PCDHB6: variants seen among roughly 807,000 people sequenced by gnomAD.
PCDHB6 encodes the protein protocadherin beta 6.
For synonymous variants in PCDHB6, 506 were observed against 459.0 expected, an observed-to-expected ratio of 1.10 and a Z score of -1.31; for missense variants, 1,137 against 1,010.1, an observed-to-expected ratio of 1.13 and a Z score of -1.70.
Position 141,150,443 on chromosome 5 carries a change from C to G in PCDHB6, c.186C>G (p.Gly62=). 1 of 1,613,924 alleles carries G rather than the reference C, an allele frequency of 6.2e-7. No homozygotes were observed. The highest frequency in any genetic ancestry group is 8.5e-7 in the Non-Finnish European group (1 of 1,180,012). Residue 62 remains glycine (G), a synonymous_variant, in exon 1 of 1, where the codon GGC becomes GGG. Transcript: ENST00000231136. ...GLRVGELASR[G]ARVVFKGNRQ... ...GGGTGGGGGAGCTGGCTTCGCGGGGCGCTCGGGTTGTTTTCAAAGGGAACA... is the reference window on the plus strand; with the variant it reads ...GGGTGGGGGAGCTGGCTTCGCGGGGGGCTCGGGTTGTTTTCAAAGGGAACA...
rs1752820849 is a variant in PCDHB6, at chr5:141,150,360, T to A, written c.103T>A (p.Leu35Met). Residue 35 changes from leucine (L) to methionine (M), a missense_variant, in exon 1 of 1, where the codon TTG (leucine) becomes ATG (methionine). Physicochemically the swap from Leu to Met is conservative, Grantham distance 15. Transcript: ENST00000231136. Reference sequence around the variant, plus strand: ...TTCTGAATCGATTCAGTATTCCGTATTGGAGGAGACAGAAAGTGGCACGTT... The same window carrying A: ...TTCTGAATCGATTCAGTATTCCGTAATGGAGGAGACAGAAAGTGGCACGTT... ...VGSESIQYSV[L>M]EETESGTFVA... 1.2e-6 allele frequency: 2 copies of A among 1,614,134 alleles called. No homozygotes were observed. Among genetic ancestry groups the A allele is most frequent in the Non-Finnish European group, 1.7e-6 (2 of 1,180,006 alleles).
In PCDHB6 at chr5:141,152,466, G is replaced by T. The variant is rs150082275; in HGVS notation, c.2209G>T (p.Val737Leu). 2.0e-4 allele frequency: 321 copies of T among 1,613,986 alleles called. No individual in the cohort carries two copies. Among genetic ancestry groups the T allele is most frequent in the Non-Finnish European group, 2.6e-4 (310 of 1,180,042 alleles). ...TCCCTTTCCAGGGCATCTGGTGGAT[G>T]TGAGCGGCACCGGGACCCTATCCCA... ...EGPFPGHLVD[V>L]SGTGTLSQSY... is the part of the protein sequence containing the mutation. The change falls in exon 1 of 1, where the codon GTG becomes TTG. Residue 737 changes from valine to leucine, a missense_variant. Coordinates refer to ENST00000231136, the MANE Select transcript of PCDHB6 (RefSeq NM_018939.4).
In PCDHB6 at chr5:141,152,436, G is replaced by T. The variant is rs1554278045; in HGVS notation, c.2179G>T (p.Glu727Ter). ...AASVGRYSVP[E>*]GPFPGHLVDV... ...CTCGGTGGGTCGCTACTCGGTGCCC[G>T]AGGGTCCCTTTCCAGGGCATCTGGT... The change falls in exon 1 of 1, where the codon GAG becomes TAG. Residue 727 changes from glutamate (E) to a stop codon, truncating the protein, a stop_gained. Transcript: ENST00000231136. LOFTEE classifies it low-confidence loss of function (END_TRUNC). 2.5e-6 allele frequency: 4 copies of T among 1,613,834 alleles called. No individual in the cohort carries two copies. Among genetic ancestry groups the T allele is most frequent in the South Asian group, 2.2e-5 (2 of 91,068 alleles).
rs1554277975 is a variant in PCDHB6 at position 141,152,264 on chromosome 5, G to A, written c.2007G>A (p.Leu669=). Residue 669 remains leucine (L), a synonymous_variant, in exon 1 of 1, where the codon CTG becomes CTA. Coordinates refer to ENST00000231136, the MANE Select transcript of PCDHB6 (RefSeq NM_018939.4). ...LLVDGFSQPY[L]PLPEAAPAQA... ...TGGACGGCTTCTCCCAGCCCTACCT[G>A]CCTCTCCCTGAGGCGGCCCCGGCCC... 1 of 1,608,028 alleles carries A rather than the reference G, an allele frequency of 6.2e-7. No homozygotes were observed.
chr5:141,150,912 C>A lies in PCDHB6; in HGVS notation c.655C>A (p.Pro219Thr). 6.2e-7 allele frequency: 1 copy of A among 1,614,130 alleles called. No individual in the cohort carries two copies. Among genetic ancestry groups the A allele is most frequent in the Non-Finnish European group, 8.5e-7 (1 of 1,180,022 alleles). ...GCTGATCGCGCTGGATGGCGGGTCT[C>A]CGCCCCGGTCAGGGACCTCCGAGAT... ...LTLIALDGGS[P>T]PRSGTSEIQI... The change falls in exon 1 of 1, where the codon CCG (proline) becomes ACG (threonine). Residue 219 changes from proline to threonine, a missense_variant. Physicochemically the swap from Pro to Thr is conservative, Grantham distance 38. Transcript: ENST00000231136.
At position 141,151,740 on chromosome 5, in the gene PCDHB6, C is replaced by T; in HGVS notation, c.1483C>T (p.His495Tyr). ...CTCGCTGCTGCCGCCCCAGGACCCG[C>T]ACCTGCCCCTCTCTTCCCTGGTCTC... ...TYSLLPPQDPHLPLSSLVSIN... is the reference protein window; with the variant it reads ...TYSLLPPQDPYLPLSSLVSIN... The change falls in exon 1 of 1, where the codon CAC becomes TAC. Residue 495 changes from histidine (H) to tyrosine (Y), a missense_variant. By Grantham distance (83) the His-to-Tyr change is moderately conservative (BLOSUM62 2). Transcript: ENST00000231136. 6.2e-7 allele frequency: 1 copy of T among 1,613,310 alleles called. No individual in the cohort carries two copies. The highest frequency in any genetic ancestry group is 8.5e-7 in the Non-Finnish European group (1 of 1,180,050).
In PCDHB6 at chr5:141,152,305, C is replaced by G. The variant is rs1368556065; in HGVS notation, c.2048C>G (p.Ser683Cys). 5.0e-6 allele frequency: 8 copies of G among 1,608,936 alleles called. No individual in the cohort carries two copies. Among genetic ancestry groups the G allele is most frequent in the Non-Finnish European group, 6.8e-6 (8 of 1,179,842 alleles). Residue 683 changes from serine to cysteine, a missense_variant, in exon 1 of 1, where the codon TCT becomes TGT. Transcript: ENST00000231136. Reference sequence around the variant, plus strand: ...GCCCCGGCCCAAGCCCAGGCCGACTCTCTCACCGTCTACCTGGTGGTGGCG... The same window carrying G: ...GCCCCGGCCCAAGCCCAGGCCGACTGTCTCACCGTCTACCTGGTGGTGGCG... ...EAAPAQAQAD[S>C]LTVYLVVALA...
At position 141,150,820 on chromosome 5, in the gene PCDHB6, G is replaced by C; in HGVS notation, c.563G>C (p.Arg188Thr). ...CTCACCCGCAATCGCAGCGAAGGCA[G>C]GAAGTTCCCGGAGCTGGTGCTAGAC... ...HVLTRNRSEGRKFPELVLDKP... is the reference protein window; with the variant it reads ...HVLTRNRSEGTKFPELVLDKP... The change falls in exon 1 of 1, where the codon AGG (arginine) becomes ACG (threonine). Residue 188 changes from arginine (R) to threonine (T), a missense_variant. Transcript: ENST00000231136. 2 of 1,614,210 alleles carry C rather than the reference G, an allele frequency of 1.2e-6. No homozygotes were observed. Among genetic ancestry groups the C allele is most frequent in the Non-Finnish European group, 1.7e-6 (2 of 1,180,044 alleles).
In PCDHB6 at chr5:141,150,847, AACCGTTGG is replaced by A; in HGVS notation, c.595_602del (p.Leu199ArgfsTer35). On this transcript the variant is annotated frameshift_variant, in exon 1 of 1. Coordinates refer to ENST00000231136, the MANE Select transcript of PCDHB6 (RefSeq NM_018939.4). LOFTEE classifies it low-confidence loss of function (END_TRUNC). ...AAGTTCCCGGAGCTGGTGCTAGACA[AACCGTTGG>A]ACCGCGAGGAGCAGCCCCAACTCAG... 6.2e-7 allele frequency: 1 copy of A among 1,614,176 alleles called. No homozygotes were observed. Among genetic ancestry groups the A allele is most frequent in the Non-Finnish European group, 8.5e-7 (1 of 1,180,034 alleles).
Position 141,151,930 on chromosome 5 carries a change from T to C in PCDHB6, c.1673T>C (p.Phe558Ser). The change falls in exon 1 of 1, where the codon TTC becomes TCC. Residue 558 changes from phenylalanine to serine, a missense_variant. Coordinates refer to ENST00000231136, the MANE Select transcript of PCDHB6 (RefSeq NM_018939.4). ...LVLDANDNSP[F>S]VLYPLQNGSA... ...CTGGACGCCAACGACAACTCGCCCTTCGTGTTGTACCCGCTGCAGAACGGC... is the reference window on the plus strand; with the variant it reads ...CTGGACGCCAACGACAACTCGCCCTCCGTGTTGTACCCGCTGCAGAACGGC... 1 of 1,611,430 alleles carries C rather than the reference T, an allele frequency of 6.2e-7. No individual in the cohort carries two copies. Among genetic ancestry groups the C allele is most frequent in the Non-Finnish European group, 8.5e-7 (1 of 1,179,694 alleles).
rs17844439 is a variant in PCDHB6 at position 141,152,011 on chromosome 5, C to T, written c.1754C>T (p.Thr585Ile). 384,673 of 1,608,584 alleles carry T rather than the reference C, an allele frequency of 0.24. 50,410 individuals are homozygous for T. The highest frequency in any genetic ancestry group is 0.53 in the East Asian group (23,822 of 44,792). Residue 585 changes from threonine (T) to isoleucine (I), a missense_variant, in exon 1 of 1, where the codon ACC becomes ATC. Physicochemically the swap from Thr to Ile is moderately conservative, Grantham distance 89. Transcript: ENST00000231136. ...GCGGCCGAGCCGGGCTACCTGGTGA[C>T]CAAGGTGGTGGCGGTGGACGGCGAC... ...PRAAEPGYLV[T>I]KVVAVDGDSG...
At position 141,151,934 on chromosome 5, in the gene PCDHB6, G is replaced by C; in HGVS notation, c.1677G>C (p.Val559=). ...ACGCCAACGACAACTCGCCCTTCGT[G>C]TTGTACCCGCTGCAGAACGGCTCCG... ...VLDANDNSPF[V]LYPLQNGSAP... The change falls in exon 1 of 1, where the codon GTG becomes GTC. Residue 559 remains valine (V), a synonymous_variant. Coordinates refer to ENST00000231136, the MANE Select transcript of PCDHB6 (RefSeq NM_018939.4). 1 of 1,611,480 alleles carries C rather than the reference G, an allele frequency of 6.2e-7. No homozygotes were observed. Among genetic ancestry groups the C allele is most frequent in the Non-Finnish European group, 8.5e-7 (1 of 1,179,752 alleles).
In PCDHB6 at chr5:141,150,420, G is replaced by T; in HGVS notation, c.163G>T (p.Val55Leu). The change falls in exon 1 of 1, where the codon GTG becomes TTG. Residue 55 changes from valine (V) to leucine (L), a missense_variant. Coordinates refer to ENST00000231136, the MANE Select transcript of PCDHB6 (RefSeq NM_018939.4). ...ANLTKDLGLR[V>L]GELASRGARV... ...CTTGACAAAGGACCTGGGACTGAGG[G>T]TGGGGGAGCTGGCTTCGCGGGGCGC... 6.2e-7 allele frequency: 1 copy of T among 1,614,134 alleles called. No homozygotes were observed. The highest frequency in any genetic ancestry group is 8.5e-7 in the Non-Finnish European group (1 of 1,180,020).
chr5:141,152,028 G>A lies in PCDHB6; in HGVS notation c.1771G>A (p.Asp591Asn), dbSNP rs1563892579. Residue 591 changes from aspartate (D) to asparagine (N), a missense_variant, in exon 1 of 1, where the codon GAC becomes AAC. By Grantham distance (23) the Asp-to-Asn change is conservative. Coordinates refer to ENST00000231136, the MANE Select transcript of PCDHB6 (RefSeq NM_018939.4). ...GYLVTKVVAV[D>N]GDSGQNAWLS... ...CCTGGTGACCAAGGTGGTGGCGGTG[G>A]ACGGCGACTCGGGCCAGAACGCCTG... 3 of 1,608,036 alleles carry A rather than the reference G, an allele frequency of 1.9e-6. No homozygotes were observed. Among genetic ancestry groups the A allele is most frequent in the Non-Finnish European group, 2.5e-6 (3 of 1,179,346 alleles).
In PCDHB6 at chr5:141,150,742, G is replaced by T. The variant is rs1752834107; in HGVS notation, c.485G>T (p.Gly162Val). 1.9e-6 allele frequency: 3 copies of T among 1,614,144 alleles called. No homozygotes were observed. Among genetic ancestry groups the T allele is most frequent in the Non-Finnish European group, 2.5e-6 (3 of 1,180,022 alleles). The part of the protein sequence containing the change: ...PLKMAHDLDT[G>V]SNGLQRYTIS... ...AAAATGGCACACGATTTAGACACCG[G>T]CAGCAACGGCCTTCAGAGGTACACA... is the stretch of plus-strand genomic sequence containing the variant. Residue 162 changes from glycine to valine, a missense_variant, in exon 1 of 1, where the codon GGC becomes GTC. Transcript: ENST00000231136.
chr5:141,151,184 A>G lies in PCDHB6; in HGVS notation c.927A>G (p.Glu309=). Residue 309 remains glutamate (E), a synonymous_variant, in exon 1 of 1, where the codon GAA becomes GAG. Coordinates refer to ENST00000231136, the MANE Select transcript of PCDHB6 (RefSeq NM_018939.4). ...IRLRKALDFE[E]IQSYDVDVEA... ...TGAGAAAGGCTTTGGATTTTGAGGA[A>G]ATTCAGTCTTATGACGTGGATGTTG... 4 of 1,614,158 alleles carry G rather than the reference A, an allele frequency of 2.5e-6. No individual in the cohort carries two copies. Among genetic ancestry groups the G allele is most frequent in the Non-Finnish European group, 3.4e-6 (4 of 1,180,028 alleles).
In PCDHB6 at chr5:141,150,498, C is replaced by T. The variant is rs782656665; in HGVS notation, c.241C>T (p.His81Tyr). The change falls in exon 1 of 1, where the codon CAT becomes TAT. Residue 81 changes from histidine to tyrosine, a missense_variant. Transcript: ENST00000231136. ...RQHLQFDPQT[H>Y]DLLLNEKLDR... ...ACATTTGCAGTTTGATCCACAGACC[C>T]ATGATTTACTGCTAAATGAAAAACT... 3 of 1,613,976 alleles carry T rather than the reference C, an allele frequency of 1.9e-6. No individual in the cohort carries two copies. Among genetic ancestry groups the T allele is most frequent in the Non-Finnish European group, 2.5e-6 (3 of 1,180,030 alleles).
chr5:141,150,428 G>A lies in PCDHB6; in HGVS notation c.171G>A (p.Glu57=). The A allele has an allele frequency of 6.2e-7, 1 of 1,614,098 alleles. No homozygotes were observed. The highest frequency in any genetic ancestry group is 1.3e-5 in the African/African-American group (1 of 75,038). The part of the protein sequence containing the change: ...LTKDLGLRVG[E]LASRGARVVF... ...AGGACCTGGGACTGAGGGTGGGGGA[G>A]CTGGCTTCGCGGGGCGCTCGGGTTG... is the stretch of plus-strand genomic sequence containing the variant. Residue 57 remains glutamate (E), a synonymous_variant, in exon 1 of 1, where the codon GAG becomes GAA. Coordinates refer to ENST00000231136, the MANE Select transcript of PCDHB6 (RefSeq NM_018939.4).
rs1752921001 is a variant in PCDHB6, at chr5:141,152,778, A to T, written c.*136A>T. ...ATATAAAGTAAGATACTGGTATCTT[A>T]GTATTTCCTGTTCATGCTTAGTAGT... On this transcript the variant is annotated 3_prime_UTR_variant, in exon 1 of 1. Coordinates refer to ENST00000231136, the MANE Select transcript of PCDHB6 (RefSeq NM_018939.4). The T allele has an allele frequency of 1.3e-6, 1 of 754,956 alleles. No homozygotes were observed. The highest frequency in any genetic ancestry group is 2.0e-6 in the Non-Finnish European group (1 of 489,616). The allele number at this position is 754,956 out of a possible 1,614,324, so 46.8% of individuals were successfully genotyped here.
Sources: allele counts gnomAD v4.1 joint callset, GRCh38; gene constraint gnomAD v4.1.1; transcripts MANE v1.5; gene names NCBI Gene and HGNC (gene_info 2026-07-23, HGNC 2026-07-21).